NCBP1: variants seen among roughly 807,000 people sequenced by gnomAD.
NCBP1 encodes the protein nuclear cap binding protein subunit 1.
In NCBP1, 16 loss-of-function variants were observed where a neutral mutation model predicts 111.7. The ratio of observed to expected loss-of-function variants is 0.14; its 90% confidence interval spans 0.10 to 0.22. NCBP1 has a LOEUF of 0.22. Among genes scored for constraint, NCBP1 ranks in the 10% least tolerant of loss-of-function variants. NCBP1 has a pLI of 1.00. For missense variants in NCBP1, 607 were observed against 957.5 expected, an observed-to-expected ratio of 0.63 and a Z score of 4.83; for synonymous variants, 304 against 314.3, an observed-to-expected ratio of 0.97 and a Z score of 0.35.
In NCBP1 at chr9:97,645,237, C is replaced by G. The variant is rs779161421; in HGVS notation, c.489+13C>G. ...AGATGTACCTCAGGTAAGAGAACCC[C>G]TCATGCTGAATCTTGAGGGGTTCTT... On this transcript the variant is annotated intron_variant, in intron 5 of 22. Coordinates refer to ENST00000375147, the MANE Select transcript of NCBP1 (RefSeq NM_002486.5). The G allele has an allele frequency of 1.3e-6, 2 of 1,584,788 alleles. No individual in the cohort carries two copies. The highest frequency in any genetic ancestry group is 3.3e-5 in the Admixed American group (2 of 59,958).
Position 97,645,782 on chromosome 9 carries a change from T to A in NCBP1, c.611+50T>A, listed in dbSNP as rs760489412. 5 of 1,588,126 alleles carry A rather than the reference T, an allele frequency of 3.1e-6. No homozygotes were observed. The South Asian group carries it at 5.6e-5, about 18-fold the overall frequency. ...TTTGTTGCTTAGGTAAAGGATATCT[T>A]ATATCAGTGATACCATTTGAGTTTC... On this transcript the variant is annotated intron_variant, in intron 6 of 22. Transcript: ENST00000375147.
At chr9:97,669,763 A>C in intron 22 of NCBP1, 57 bp downstream of exon 22, 1 of 1,253,774 alleles carries the variant, frequency 8.0e-7, no homozygotes, top group South Asian at 1.2e-5. Context: ...AAGATTTTTC[A>C]TTAAAAAAAA....
chr9:97,671,386 G>A lies in NCBP1; in HGVS notation c.*187G>A, dbSNP rs1446067552. The A allele has an allele frequency of 2.2e-5, 12 of 533,392 alleles. No homozygotes were observed. Among genetic ancestry groups the A allele is most frequent in the Admixed American group, 1.7e-4 (5 of 29,254 alleles). 33.0% of individuals were successfully genotyped at this position (533,392 alleles called of 1,614,324 possible). On this transcript the variant is annotated 3_prime_UTR_variant, in exon 23 of 23. Transcript: ENST00000375147. Reference sequence around the variant, plus strand: ...CCCTGAAAAGCAAATACTTCCTAACGGCAGTAATGTGACTATGACCATGAT... The same window carrying A: ...CCCTGAAAAGCAAATACTTCCTAACAGCAGTAATGTGACTATGACCATGAT...
At chr9:97,649,209 C>A (rs533959948) in intron 8 of NCBP1, among the ~76,000 whole-genome samples, 1 of 152,220 alleles carries the variant, frequency 6.6e-6, no homozygotes, top group East Asian at 1.9e-4. Context: ...ATTTCAAAGT[C>A]AAGTTTCCTG....
chr9:97,656,738 C>T (rs1827667721), intron 14 of NCBP1, among the ~76,000 whole-genome samples: 1 of 152,086 alleles, frequency 6.6e-6, no homozygotes, highest in Non-Finnish European at 1.5e-5. Flanking sequence ...GTTGGTTTTC[C>T]TTTGAGAATA....
chr9:97,642,826 A>G (rs1827239496), intron 3 of NCBP1, among the ~76,000 whole-genome samples: 1 of 152,094 alleles, frequency 6.6e-6, no homozygotes, highest in Non-Finnish European at 1.5e-5. Flanking sequence ...TTCTGTATTA[A>G]AGAGGCTTGT....
At chr9:97,638,818 C>T (rs1440846776) in intron 1 of NCBP1, among the ~76,000 whole-genome samples, 1 of 152,126 alleles carries the variant, frequency 6.6e-6, no homozygotes, top group Non-Finnish European at 1.5e-5. Flanking sequence ...CTAGTTTTGA[C>T]TACTAAAAAT....
intron 4 of NCBP1, among the ~76,000 whole-genome samples, chr9:97,644,766 A>G (rs1232713468): frequency 6.6e-6 from 1 of 152,194 alleles, no homozygotes; most frequent in Non-Finnish European, 1.5e-5. Context: ...ACTGTCCTTT[A>G]TATAGTCTTT....
chr9:97,666,826 C>T lies in NCBP1; in HGVS notation c.1965C>T (p.Ile655=), dbSNP rs752851836. The T allele has an allele frequency of 5.6e-6, 9 of 1,609,902 alleles. No homozygotes were observed. The highest frequency in any genetic ancestry group is 7.6e-6 in the Non-Finnish European group (9 of 1,178,626). Residue 655 remains isoleucine (I), a synonymous_variant, in exon 20 of 23, where the codon ATC becomes ATT. Transcript: ENST00000375147. ...AGATGAACAAACATGTCCTGAAGAT[C>T]CAGAAAGAGCTGGAAGAAGCTAAAG... is the stretch of plus-strand genomic sequence containing the variant. ...IRKMNKHVLK[I]QKELEEAKEK... is the part of the protein sequence containing the mutation.
intron 4 of NCBP1, among the ~76,000 whole-genome samples, chr9:97,644,499 T>C (rs1310348755): frequency 6.6e-6 from 1 of 152,164 alleles, no homozygotes; most frequent in Non-Finnish European, 1.5e-5. Context: ...ATTTGCCTTT[T>C]AGTGTGGGAG....
chr9:97,666,344 T>C (rs1473587121), intron 19 of NCBP1, among the ~76,000 whole-genome samples: 3 of 152,214 alleles, frequency 2.0e-5, no homozygotes, highest in Admixed American at 6.5e-5. Flanking sequence ...GCTAGTTAAA[T>C]AATATAAAGC....
chr9:97,655,703 T>C lies in NCBP1; in HGVS notation c.1237T>C (p.Phe413Leu). 3.1e-6 allele frequency: 5 copies of C among 1,610,930 alleles called. No homozygotes were observed. In the Admixed American group the frequency reaches 8.4e-5, roughly 27 times the overall value. The change falls in exon 13 of 23, where the codon TTT becomes CTT. Residue 413 changes from phenylalanine to leucine, a missense_variant and splice_region_variant. Physicochemically the swap from Phe to Leu is conservative, Grantham distance 22 (BLOSUM62 0). Around this residue, in one of 9 missense-constraint regions of NCBP1, gnomAD observed 21 missense variants for 19.6 expected, o/e 1.07. Coordinates refer to ENST00000375147, the MANE Select transcript of NCBP1 (RefSeq NM_002486.5). ...DTMNTTCVDR[F>L]INWFSHHLSN... ...CCTACCTCCCCCTTCTCTACGTAGGTTTATTAATTGGTTTTCTCATCATCT... is the reference window on the plus strand; with the variant it reads ...CCTACCTCCCCCTTCTCTACGTAGGCTTATTAATTGGTTTTCTCATCATCT...
intron 2 of NCBP1, among the ~76,000 whole-genome samples, chr9:97,641,261 A>G (rs1827195689): frequency 6.6e-6 from 1 of 152,100 alleles, no homozygotes; most frequent in Non-Finnish European, 1.5e-5. Flanking sequence ...CTGTTATCAT[A>G]GACTGCTTAG....
At chr9:97,665,952 T>TC (rs1827991875) in intron 19 of NCBP1, among the ~76,000 whole-genome samples, 1 of 152,168 alleles carries the variant, frequency 6.6e-6, no homozygotes, top group African/African-American at 2.4e-5. Flanking sequence ...GAGTGGATCA[T>TC]CATAAAGGTC....
Position 97,653,668 on chromosome 9 carries a change from T to C in NCBP1, c.1060-130T>C, listed in dbSNP as rs1011264814. On this transcript the variant is annotated intron_variant, in intron 10 of 22. Transcript: ENST00000375147. ...GTGTTTGAAAGAGCATAATTTTAAATATTAAAAAGTAATTCCATTTTCATA... is the reference window on the plus strand; with the variant it reads ...GTGTTTGAAAGAGCATAATTTTAAACATTAAAAAGTAATTCCATTTTCATA... 7.6e-5 allele frequency: 47 copies of C among 621,808 alleles called. No individual in the cohort carries two copies. In the African/African-American group the frequency reaches 9.6e-4, roughly 13 times the overall value. 38.5% of individuals were successfully genotyped at this position (621,808 alleles called of 1,614,324 possible). A position where few individuals can be genotyped will look rare whatever the true frequency, so the allele number is the denominator to read the frequency against.
chr9:97,645,288 C>A, intron 5 of NCBP1, 64 bp downstream of exon 5: 1 of 1,219,144 alleles, frequency 8.2e-7, no homozygotes, highest in Non-Finnish European at 1.2e-6. Flanking sequence ...CCTGGTACTT[C>A]CATATAGTAC....
intron 1 of NCBP1, among the ~76,000 whole-genome samples, chr9:97,639,948 A>G (rs939684881): frequency 2.5e-4 from 38 of 152,266 alleles, no homozygotes; most frequent in Admixed American, 1.1e-3. Flanking sequence ...AAAAACATAG[A>G]GATTATTCGA....
At chr9:97,664,473 T>A (rs1253795148) in intron 19 of NCBP1, 30 bp downstream of exon 19, 4 of 1,465,634 alleles carry the variant, frequency 2.7e-6, no homozygotes, top group Non-Finnish European at 3.8e-6. Flanking sequence ...GAAACTTGTG[T>A]TCCCTAAGAA....
At chr9:97,643,749 A>T (rs1827263814) in intron 4 of NCBP1, among the ~76,000 whole-genome samples, 1 of 152,004 alleles carries the variant, frequency 6.6e-6, no homozygotes, top group Non-Finnish European at 1.5e-5. Context: ...GGTGTTCCCA[A>T]TCCCTGTCAA....
Sources: allele counts gnomAD v4.1 joint callset (sites outside exome capture counted in the v4.1 genomes callset), GRCh38; gene constraint gnomAD v4.1.1; regional missense constraint gnomAD v4.1.1; transcripts MANE v1.5; gene names NCBI Gene and HGNC (gene_info 2026-07-23, HGNC 2026-07-21).